The following SMUG1 variants were observed in gnomAD, a reference collection of about 807,000 sequenced individuals.
SMUG1 encodes single-strand selective monofunctional uracil DNA glycosylase.
In SMUG1, 13 loss-of-function variants were observed where a neutral mutation model predicts 23.9. That is an observed-to-expected ratio of 0.54 (90% CI 0.35 to 0.86). The LOEUF (loss-of-function observed/expected upper bound fraction) is 0.86. Among genes scored for constraint, SMUG1 ranks in the 40% least tolerant of loss-of-function variants. SMUG1 has a pLI of 0.01. For missense variants in SMUG1, 313 were observed against 339.5 expected, an observed-to-expected ratio of 0.92 and a Z score of 0.61; for synonymous variants, 133 against 139.8, an observed-to-expected ratio of 0.95 and a Z score of 0.34.
chr12:54,185,973 G>A (rs1176417556), intron 2 of SMUG1, among the ~76,000 whole-genome samples: 1 of 152,154 alleles, frequency 6.6e-6, no homozygotes, highest in Non-Finnish European at 1.5e-5. Flanking sequence ...AAACTGCAAA[G>A]GCCATTGCTT....
downstream of SMUG1, among the ~76,000 whole-genome samples, chr12:54,180,023 G>C (rs1940857582): frequency 6.6e-6 from 1 of 151,222 alleles, no homozygotes; most frequent in Admixed American, 6.6e-5. Context: ...TTTATATCTA[G>C]AGTTTTACCA....
chr12:54,158,250 A>G (rs1940106019), intron 4 of SMUG1, among the ~76,000 whole-genome samples: 1 of 152,136 alleles, frequency 6.6e-6, no homozygotes, highest in Admixed American at 6.5e-5. Context: ...GTGAGTTGCA[A>G]TATCATTTAA....
rs1207953205 is a variant in SMUG1, at chr12:54,181,039, G to A, written c.*1057C>T. 6.6e-6 allele frequency: 1 copy of A among 151,448 alleles called. No homozygotes were observed. The highest frequency in any genetic ancestry group is 1.5e-5 in the Non-Finnish European group (1 of 68,480). The allele number at this position is 151,448 out of a possible 1,614,324, so 9.4% of individuals were successfully genotyped here. A position where few individuals can be genotyped will look rare whatever the true frequency, so the allele number is the denominator to read the frequency against. ...CTACATCCTTCCCCCAGCTGCCCAA[G>A]AGAACCCCTGGCCAACAATGAAGAG... On this transcript the variant is annotated 3_prime_UTR_variant, in exon 4 of 4. Coordinates refer to ENST00000682136, the MANE Select transcript of SMUG1 (RefSeq NM_001243787.2).
intron 3 of SMUG1, chr12:54,182,931 G>T: frequency 6.0e-6 from 2 of 333,340 alleles, no homozygotes; most frequent in East Asian, 5.9e-5. Flanking sequence ...GTTAGTACTG[G>T]GGACAGACAG....
chr12:54,159,193 A>AT (rs1381197381), intron 4 of SMUG1, among the ~76,000 whole-genome samples: 1 of 152,078 alleles, frequency 6.6e-6, no homozygotes, highest in African/African-American at 2.4e-5. Context: ...GAGGGGTCTC[A>AT]TAACAGCCCG....
downstream of SMUG1, among the ~76,000 whole-genome samples, chr12:54,177,381 T>C (rs1994356): frequency 0.72 from 109,049 of 152,130 alleles, 39,658 homozygotes; most frequent in African/African-American, 0.84. Flanking sequence ...CAGTGTTGTC[T>C]AACACAAATT....
chr12:54,188,054 T>TTATAAAA (rs1202980709), intron 1 of SMUG1, 152 bp from the exon 2 acceptor site: 1 of 151,886 alleles, frequency 6.6e-6, no homozygotes, highest in Admixed American at 6.6e-5. Flanking sequence ...TGTAGATATT[T>TTATAAAA]TATAAAATAC....
intron 1 of SMUG1, among the ~76,000 whole-genome samples, chr12:54,188,289 AAT>A (rs1405996852): frequency 5.2e-4 from 15 of 28,578 alleles, no homozygotes; most frequent in Admixed American, 2.6e-3. Flanking sequence ...TAATAATAAT[AAT>A]AATAAATAAT....
At chr12:54,172,582 G>C (rs924484861) in intron 2 of SMUG1, 2 of 158,888 alleles carry the variant, frequency 1.3e-5, no homozygotes, top group African/African-American at 4.8e-5. Context: ...CGGGGCAGGG[G>C]GGACGTGCCC....
chr12:54,178,983 A>T (rs1332829826), downstream of SMUG1, among the ~76,000 whole-genome samples: 2 of 152,190 alleles, frequency 1.3e-5, no homozygotes, highest in African/African-American at 4.8e-5. Flanking sequence ...TGACTTGCTG[A>T]GTCTTCCAGT....
intron 3 of SMUG1, 96 bp from the exon 4 acceptor site, chr12:54,182,719 C>A: frequency 6.6e-7 from 1 of 1,509,934 alleles, no homozygotes; most frequent in Non-Finnish European, 8.8e-7. Flanking sequence ...CATGAGGATC[C>A]AGCCTGCACC....
intron 3 of SMUG1, among the ~76,000 whole-genome samples, chr12:54,171,713 T>C (rs1029608064): frequency 1.0e-4 from 14 of 138,124 alleles, no homozygotes; most frequent in Admixed American, 1.4e-4. Context: ...AAAAAAGCTA[T>C]AGACTTGTGT....
At chr12:54,158,860 T>G (rs1261076199) in intron 4 of SMUG1, among the ~76,000 whole-genome samples, 2 of 152,176 alleles carry the variant, frequency 1.3e-5, no homozygotes, top group African/African-American at 4.8e-5. Flanking sequence ...AACCTCTATC[T>G]CCACCTTTCT....
chr12:54,178,652 C>G (rs1940811117), downstream of SMUG1, among the ~76,000 whole-genome samples: 1 of 152,150 alleles, frequency 6.6e-6, no homozygotes, highest in Admixed American at 6.5e-5. Context: ...TCACTTCCCC[C>G]ACTACACTTT....
chr12:54,170,143 C>T (rs1385316559), intron 3 of SMUG1, among the ~76,000 whole-genome samples: 3 of 151,254 alleles, frequency 2.0e-5, no homozygotes, highest in African/African-American at 4.9e-5. Flanking sequence ...GTTTGCGGTC[C>T]GGCGAGATCG....
chr12:54,167,343 T>C (rs1397490172), intron 3 of SMUG1, among the ~76,000 whole-genome samples: 1 of 152,152 alleles, frequency 6.6e-6, no homozygotes, highest in Non-Finnish European at 1.5e-5. Context: ...AAAATTACTC[T>C]AGCTCTTTCC....
At chr12:54,165,446 A>G (rs1333417802) in exon 4 of SMUG1, 2 of 152,218 alleles carry the variant, frequency 1.3e-5, no homozygotes, top group Non-Finnish European at 2.9e-5. Flanking sequence ...CCAAGGCAAG[A>G]GGATAGCTTC....
In SMUG1 at chr12:54,182,206, C is replaced by T. The variant is rs560426881; in HGVS notation, c.703G>A (p.Glu235Lys). 2.9e-5 allele frequency: 47 copies of T among 1,611,848 alleles called. No individual in the cohort carries two copies. The South Asian group carries it at 4.7e-4, about 16-fold the overall frequency. ...CGGGGAGAGGGATGCAGGAGCCCTT[C>T]CACCTGGACCTCTGGCATCAGGCCT... Reference protein sequence around the residue: ...LAGLMPEVQVEGLLHPSPRNP... With the variant: ...LAGLMPEVQVKGLLHPSPRNP... The change falls in exon 4 of 4, where the codon GAA (glutamate) becomes AAA (lysine). Residue 235 changes from glutamate (E) to lysine (K), a missense_variant. By Grantham distance (56) the Glu-to-Lys change is moderately conservative. Transcript: ENST00000682136.
intron 2 of SMUG1, chr12:54,186,873 T>C (rs1239538274): frequency 6.6e-6 from 1 of 152,340 alleles, no homozygotes; most frequent in Non-Finnish European, 1.5e-5. Flanking sequence ...ATCTTCTTTT[T>C]CACTTTTGTT....
Sources: allele counts gnomAD v4.1 joint callset (sites outside exome capture counted in the v4.1 genomes callset), GRCh38; gene constraint gnomAD v4.1.1; transcripts MANE v1.5; gene names NCBI Gene and HGNC (gene_info 2026-07-23, HGNC 2026-07-21).